The following SLC9A2 variants were observed in gnomAD, a reference collection of about 807,000 sequenced individuals.
SLC9A2 encodes solute carrier family 9 member A2, also known as sodium/hydrogen exchanger 2.
SLC9A2 carries 42 observed loss-of-function variants against 71.7 expected under a neutral mutation model. The ratio of observed to expected loss-of-function variants is 0.59; its 90% confidence interval spans 0.46 to 0.76. SLC9A2 has a LOEUF of 0.76. SLC9A2 is among the 30% of genes least tolerant of loss of function. SLC9A2 has a pLI of 0.00. For synonymous variants in SLC9A2, 396 were observed against 392.5 expected (o/e 1.01, Z -0.10); for missense variants, 829 against 1,017.4 (o/e 0.81, Z 2.52).
intron 5 of SLC9A2, among the ~76,000 whole-genome samples, chr2:102,694,196 G>C (rs1573432061): frequency 1.3e-5 from 2 of 152,160 alleles, no homozygotes; most frequent in South Asian, 4.1e-4. Context: ...AAATATGCCA[G>C]CTATTTGAAA....
intron 1 of SLC9A2, among the ~76,000 whole-genome samples, chr2:102,632,057 TATACACACAC>T (rs1393914933): frequency 7.1e-4 from 94 of 132,498 alleles, no homozygotes; most frequent in African/African-American, 2.8e-3. Context: ...CACACATATA[TATACACACAC>T]ATATATATAC....
In SLC9A2 at chr2:102,672,499, C is replaced by T. The variant is rs561579037; in HGVS notation, c.1004+7149C>T. Among the ~76,000 whole-genome samples, 31 of 152,216 alleles carry T rather than the reference C, an allele frequency of 2.0e-4. No individual in the cohort carries two copies. In the East Asian group the frequency reaches 4.8e-3, roughly 24 times the overall value. On this transcript the variant is annotated intron_variant, in intron 3 of 11. Transcript: ENST00000233969. ...AGGAATAAAAGAGAAATGCTCTCCC[C>T]GCTCTGATGATAATTGTGCTCTTTA...
intron 1 of SLC9A2, among the ~76,000 whole-genome samples, chr2:102,651,074 C>T (rs181291994): frequency 2.0e-5 from 3 of 152,296 alleles, no homozygotes; most frequent in Admixed American, 2.0e-4. Flanking sequence ...TGTCTCACAT[C>T]CTTTATCCAG....
intron 9 of SLC9A2, 78 bp from the exon 10 acceptor site, chr2:102,704,466 A>C: frequency 1.4e-6 from 2 of 1,424,000 alleles, no homozygotes; most frequent in South Asian, 2.4e-5. Context: ...GAAATGTGGT[A>C]AAGTCTTGGA....
chr2:102,688,582 G>T (rs891013774), intron 5 of SLC9A2, among the ~76,000 whole-genome samples: 1 of 152,082 alleles, frequency 6.6e-6, no homozygotes, highest in Admixed American at 6.5e-5. Context: ...ACAAAAATTA[G>T]CTGGGCATGG....
intron 1 of SLC9A2, among the ~76,000 whole-genome samples, chr2:102,628,747 CTA>C (rs947406501): frequency 6.6e-6 from 1 of 152,010 alleles, no homozygotes; most frequent in Non-Finnish European, 1.5e-5. Context: ...TAGGTTCTCA[CTA>C]TGTTGCCTTG....
rs759670997 is a variant in SLC9A2, at chr2:102,708,267, T to G, written c.2217T>G (p.Ser739=). Residue 739 remains serine, a synonymous_variant, in exon 12 of 12, where the codon TCT becomes TCG. Transcript: ENST00000233969. ...MEWKNEVDVD[S]GRDMPSTPPT... ...GGAAGAATGAGGTAGATGTTGATTC[T>G]GGCCGAGATATGCCCAGCACCCCCC... 1 of 1,614,172 alleles carries G rather than the reference T, an allele frequency of 6.2e-7. No individual in the cohort carries two copies. Among genetic ancestry groups the G allele is most frequent in the South Asian group, 1.1e-5 (1 of 91,086 alleles).
At chr2:102,671,338 C>T (rs1009719784) in intron 3 of SLC9A2, among the ~76,000 whole-genome samples, 1 of 152,110 alleles carries the variant, frequency 6.6e-6, no homozygotes, top group Non-Finnish European at 1.5e-5. Flanking sequence ...CTGGTATGAC[C>T]ACCCCAAACA....
At chr2:102,654,775 C>A (rs1055166857) in intron 1 of SLC9A2, among the ~76,000 whole-genome samples, 3 of 152,230 alleles carry the variant, frequency 2.0e-5, no homozygotes, top group Non-Finnish European at 4.4e-5. Context: ...GCTTACCACA[C>A]ACCTAGGCTA....
chr2:102,636,422 T>A (rs1676469970), intron 1 of SLC9A2, among the ~76,000 whole-genome samples: 1 of 152,210 alleles, frequency 6.6e-6, no homozygotes, highest in Non-Finnish European at 1.5e-5. Flanking sequence ...CAGGTAGCAA[T>A]TACTGGCAAT....
intron 1 of SLC9A2, among the ~76,000 whole-genome samples, chr2:102,649,521 A>G (rs1676791629): frequency 6.6e-6 from 1 of 152,222 alleles, no homozygotes; most frequent in Non-Finnish European, 1.5e-5. Flanking sequence ...AATTATCATC[A>G]GAGTGAAGAG....
At chr2:102,674,743 A>G (rs1302069104) in intron 3 of SLC9A2, among the ~76,000 whole-genome samples, 1 of 152,202 alleles carries the variant, frequency 6.6e-6, no homozygotes, top group Non-Finnish European at 1.5e-5. Flanking sequence ...GCGAATAAAT[A>G]CATTTTTGAG....
intron 1 of SLC9A2, among the ~76,000 whole-genome samples, chr2:102,640,801 T>G (rs1023582711): frequency 1.3e-5 from 2 of 152,192 alleles, no homozygotes; most frequent in Admixed American, 6.5e-5. Flanking sequence ...CCTCTAATCC[T>G]GCCTTGGTCT....
At chr2:102,635,885 T>C (rs968784408) in intron 1 of SLC9A2, among the ~76,000 whole-genome samples, 2 of 109,014 alleles carry the variant, frequency 1.8e-5, no homozygotes, top group African/African-American at 6.8e-5. Flanking sequence ...TGCATAATTT[T>C]TTCTTTTTTT....
chr2:102,665,773 T>TAAAAAAAAA (rs11426516), intron 3 of SLC9A2, among the ~76,000 whole-genome samples: 11 of 38,768 alleles, frequency 2.8e-4, no homozygotes, highest in African/African-American at 4.4e-4. Context: ...GACTCTGTCT[T>TAAAAAAAAA]AAAAAAAAAA....
In SLC9A2 at chr2:102,665,459, T is replaced by G. The variant is rs923141644; in HGVS notation, c.1004+109T>G. The G allele has an allele frequency of 4.9e-6, 6 of 1,220,454 alleles. No homozygotes were observed. In the African/African-American group the frequency reaches 9.1e-5, roughly 19 times the overall value. 75.6% of individuals were successfully genotyped at this position (1,220,454 alleles called of 1,614,324 possible). ...AGTTATATGAAACACTAGGTTTTCTTATTCTTTTAAGAAAAATTAAAAATA... is the reference window on the plus strand; with the variant it reads ...AGTTATATGAAACACTAGGTTTTCTGATTCTTTTAAGAAAAATTAAAAATA... On this transcript the variant is annotated intron_variant, in intron 3 of 11. Coordinates refer to ENST00000233969, the MANE Select transcript of SLC9A2 (RefSeq NM_003048.6).
chr2:102,620,123 C>T lies in SLC9A2; in HGVS notation c.275C>T (p.Ser92Phe). The T allele has an allele frequency of 2.5e-6, 4 of 1,604,198 alleles. No homozygotes were observed. The highest frequency in any genetic ancestry group is 3.4e-6 in the Non-Finnish European group (4 of 1,172,602). ...ATCACCCTTTGGATCCTGCTGGCCT[C>T]CCTGGCCAAGATTGGTGAGCGAACT... ...FEITLWILLA[S>F]LAKIGFHLYH... The change falls in exon 1 of 12, where the codon TCC becomes TTC. Residue 92 changes from serine to phenylalanine, a missense_variant. Physicochemically the swap from Ser to Phe is radical, Grantham distance 155. Around this residue, in one of 3 missense-constraint regions of SLC9A2, gnomAD observed 500 missense variants for 726.3 expected, o/e 0.69. Coordinates refer to ENST00000233969, the MANE Select transcript of SLC9A2 (RefSeq NM_003048.6).
At chr2:102,670,876 T>C (rs1449081625) in intron 3 of SLC9A2, among the ~76,000 whole-genome samples, 1 of 137,976 alleles carries the variant, frequency 7.2e-6, no homozygotes, top group Non-Finnish European at 1.6e-5. Context: ...TTTTTGCCTA[T>C]CCTAGTTCCT....
At chr2:102,662,986 C>T (rs1677075602) in intron 2 of SLC9A2, among the ~76,000 whole-genome samples, 1 of 152,084 alleles carries the variant, frequency 6.6e-6, no homozygotes, top group South Asian at 2.1e-4. Context: ...GGCTGGGAAA[C>T]CCGCCTCTCC....
Sources: allele counts gnomAD v4.1 joint callset (sites outside exome capture counted in the v4.1 genomes callset), GRCh38; gene constraint gnomAD v4.1.1; regional missense constraint gnomAD v4.1.1; transcripts MANE v1.5; gene names NCBI Gene and HGNC (gene_info 2026-07-23, HGNC 2026-07-21).